The following MTRF1 variants were observed in gnomAD, a reference collection of about 807,000 sequenced individuals.
MTRF1 encodes the protein mitochondrial translation release factor 1, also known as peptide chain release factor 1, mitochondrial.
In MTRF1, 51 loss-of-function variants were observed where a neutral mutation model predicts 62.9. That is an observed-to-expected ratio of 0.81 (90% CI 0.65 to 1.02). The LOEUF is 1.02. Ranked by LOEUF, MTRF1 falls within the 50% of genes least tolerant of loss-of-function variation. MTRF1 has a pLI of 0.00. For synonymous variants in MTRF1, 158 were observed against 181.9 expected, an observed-to-expected ratio of 0.87 and a Z score of 1.06; for missense variants, 446 against 530.0, an observed-to-expected ratio of 0.84 and a Z score of 1.56.
intron 5 of MTRF1, chr13:41,252,401 A>G: frequency 3.3e-6 from 1 of 306,836 alleles, no homozygotes; most frequent in Non-Finnish European, 6.0e-6. Flanking sequence ...TAAGTTCCTC[A>G]GGGGAATTTT....
the MTRF1 span, chr13:41,288,004 GA>G: frequency 1.1e-5 from 4 of 367,298 alleles, no homozygotes; most frequent in Non-Finnish European, 1.6e-5. Flanking sequence ...GGAGTGTTGG[GA>G]AAATGGTGCT....
the MTRF1 span, among the ~76,000 whole-genome samples, chr13:41,301,435 G>A: frequency 6.6e-6 from 1 of 152,102 alleles, no homozygotes; most frequent in South Asian, 2.1e-4. Flanking sequence ...TTGGGAGGTG[G>A]GAGGCAGATG....
the MTRF1 span, among the ~76,000 whole-genome samples, chr13:41,309,913 T>C: frequency 1.3e-5 from 2 of 152,050 alleles, no homozygotes; most frequent in East Asian, 3.9e-4. Flanking sequence ...GGAGAATCGC[T>C]TGAACCTGGG....
rs2037328603 is a variant in MTRF1 at position 41,240,398 on chromosome 13, C to T, written c.733G>A (p.Asp245Asn). ...TACTTCAAATGCTTATAGACACCGT[C>T]ACCGGAAATTCGGGCGGCTGCATGA... is the stretch of plus-strand genomic sequence containing the variant. ...LHHAAARISGDGVYKHLKYEG... is the reference protein window; with the variant it reads ...LHHAAARISGNGVYKHLKYEG... The change falls in exon 6 of 10, where the codon GAC becomes AAC. Residue 245 changes from aspartate (D) to asparagine (N), a missense_variant. Physicochemically the swap from Asp to Asn is conservative, Grantham distance 23. Transcript: ENST00000379480. 1.2e-6 allele frequency: 2 copies of T among 1,613,576 alleles called. No homozygotes were observed. The highest frequency in any genetic ancestry group is 2.7e-5 in the African/African-American group (2 of 74,904).
chr13:41,281,581 G>C, the MTRF1 span, among the ~76,000 whole-genome samples: 4 of 152,072 alleles, frequency 2.6e-5, no homozygotes, highest in African/African-American at 9.7e-5. Context: ...ATCTTATGCT[G>C]ATAGACACAA....
intron 5 of MTRF1, among the ~76,000 whole-genome samples, chr13:41,251,306 A>G (rs1322848289): frequency 6.6e-6 from 1 of 152,152 alleles, no homozygotes; most frequent in East Asian, 1.9e-4. Context: ...CTTTCCATCC[A>G]TCCATCCATC....
chr13:41,223,330 G>A lies in MTRF1; in HGVS notation c.1150C>T (p.Arg384Ter), dbSNP rs940244147. Reference sequence around the variant, plus strand: ...TGGGTGAAATTATATGTCCGAATTCGCTCTGACTGGGCTCTTGTTCCCACC... The same window carrying A: ...TGGGTGAAATTATATGTCCGAATTCACTCTGACTGGGCTCTTGTTCCCACC... ...LQVGTRAQSE[R>*]IRTYNFTQDR... is the part of the protein sequence containing the mutation. The change falls in exon 9 of 10, where the codon CGA (arginine) becomes TGA (stop). Residue 384 changes from arginine (R) to a stop codon, truncating the protein, a stop_gained. Coordinates refer to ENST00000379480, the MANE Select transcript of MTRF1 (RefSeq NM_004294.4). LOFTEE classifies it high-confidence loss of function. The A allele has an allele frequency of 1.2e-6, 2 of 1,613,748 alleles. No homozygotes were observed. Among genetic ancestry groups the A allele is most frequent in the Non-Finnish European group, 8.5e-7 (1 of 1,179,878 alleles).
In MTRF1 at chr13:41,254,613, AT is replaced by A; in HGVS notation, c.422del (p.Asn141IlefsTer47). ...EELESMCKSLNKQDEKQLQEL... is the reference protein window; with the variant it reads ...EELESMCKSLXKQDEKQLQEL... ...CTTGTAACTGCTTTTCATCTTGTTT[AT>A]TTAGGCCTAAAAGCCAGAAACAGAA... On this transcript the variant is annotated frameshift_variant, in exon 3 of 10. Transcript: ENST00000379480. LOFTEE classifies it high-confidence loss of function. The A allele has an allele frequency of 1.2e-6, 2 of 1,612,066 alleles. No individual in the cohort carries two copies. The highest frequency in any genetic ancestry group is 1.7e-6 in the Non-Finnish European group (2 of 1,178,682).
At chr13:41,250,272 TTCTGATTATCTTGAATCC>T (rs1298845057) in intron 5 of MTRF1, among the ~76,000 whole-genome samples, 1 of 152,174 alleles carries the variant, frequency 6.6e-6, no homozygotes, top group Non-Finnish European at 1.5e-5. Context: ...CTCATCCTTT[TTCTGATTATCTTGAATCC>T]TCTTTTTATT....
In MTRF1 at chr13:41,217,123, C is replaced by G. The variant is rs2032033483; in HGVS notation, c.1330G>C (p.Ala444Pro). Residue 444 changes from alanine to proline, a missense_variant, in exon 10 of 10, where the codon GCA becomes CCA. Transcript: ENST00000379480. ...AELLDEHLKS[A>P]K ...TAATAATAAGTTAGTATTTATTTTGCTGATTTAAGGTGTTCATCCAAAAGT... is the reference window on the plus strand; with the variant it reads ...TAATAATAAGTTAGTATTTATTTTGGTGATTTAAGGTGTTCATCCAAAAGT... The G allele has an allele frequency of 1.9e-6, 3 of 1,581,588 alleles. No homozygotes were observed. The highest frequency in any genetic ancestry group is 2.7e-5 in the African/African-American group (2 of 74,384).
chr13:41,243,425 AGACTC>A (rs2037807642), intron 5 of MTRF1, among the ~76,000 whole-genome samples: 3 of 148,904 alleles, frequency 2.0e-5, no homozygotes, highest in African/African-American at 7.4e-5. Context: ...AAAAAAAAAA[AGACTC>A]AATTTCCTTA....
the MTRF1 span, among the ~76,000 whole-genome samples, chr13:41,274,750 C>A: frequency 1.3e-5 from 2 of 151,698 alleles, no homozygotes; most frequent in African/African-American, 4.8e-5. Context: ...ATTCTTGTGC[C>A]TCACCCTCCC....
the MTRF1 span, among the ~76,000 whole-genome samples, chr13:41,275,953 C>T: frequency 1.2e-4 from 18 of 152,146 alleles, no homozygotes; most frequent in African/African-American, 3.9e-4. Context: ...GCCATAATCA[C>T]TTGCCCCTCC....
chr13:41,279,012 A>G, the MTRF1 span, among the ~76,000 whole-genome samples: 1 of 152,040 alleles, frequency 6.6e-6, no homozygotes, highest in African/African-American at 2.4e-5. Context: ...TTTTGAGATG[A>G]AGTTTTGTTC....
At chr13:41,291,376 C>T in the MTRF1 span, among the ~76,000 whole-genome samples, 3 of 152,006 alleles carry the variant, frequency 2.0e-5, no homozygotes, top group African/African-American at 4.8e-5. Flanking sequence ...CGGGGTTTTG[C>T]CACGTTGCCT....
chr13:41,260,949 ATC>A, intron 1 of MTRF1, 34 bp from the exon 2 acceptor site: 4 of 1,526,752 alleles, frequency 2.6e-6, no homozygotes, highest in Non-Finnish European at 3.5e-6. Context: ...TTAAAAAAAA[ATC>A]ATCTCTAAAG....
chr13:41,294,683 T>C, the MTRF1 span, among the ~76,000 whole-genome samples: 1 of 152,128 alleles, frequency 6.6e-6, no homozygotes, highest in Admixed American at 6.5e-5. Context: ...AGGTAAAATT[T>C]AAGAGAGCAA....
intron 5 of MTRF1, among the ~76,000 whole-genome samples, chr13:41,249,800 T>C (rs2038831119): frequency 6.6e-6 from 1 of 151,534 alleles, no homozygotes; most frequent in Non-Finnish European, 1.5e-5. Context: ...CCAATTTTTG[T>C]ATTTGTAGTA....
At chr13:41,230,586 T>C (rs1376343385) in intron 7 of MTRF1, among the ~76,000 whole-genome samples, 1 of 150,000 alleles carries the variant, frequency 6.7e-6, no homozygotes, top group East Asian at 2.0e-4. Flanking sequence ...TTTTTAACAG[T>C]TTCCTATGGA....
Sources: allele counts gnomAD v4.1 joint callset (sites outside exome capture counted in the v4.1 genomes callset), GRCh38; gene constraint gnomAD v4.1.1; transcripts MANE v1.5; gene names NCBI Gene and HGNC (gene_info 2026-07-23, HGNC 2026-07-21).